BICDL1: variants seen among roughly 807,000 people sequenced by gnomAD.
BICDL1 encodes the protein BICD family like cargo adaptor 1.
A neutral mutation model predicts 76.8 loss-of-function variants in BICDL1; 20 were observed. The ratio of observed to expected loss-of-function variants is 0.26; its 90% CI spans 0.18 to 0.38. The LOEUF is 0.38. BICDL1 is among the 10% of genes least tolerant of loss of function. The probability of loss-of-function intolerance (pLI) is 1.00; values close to 1 mark genes in which losing one functional copy is unlikely to be tolerated. For missense variants in BICDL1, 700 were observed against 798.6 expected (o/e 0.88, Z 1.49); for synonymous variants, 383 against 337.1 (o/e 1.14, Z -1.49).
intron 2 of BICDL1, among the ~76,000 whole-genome samples, chr12:120,050,391 C>A (rs1952832889): frequency 6.6e-6 from 1 of 151,710 alleles, no homozygotes; most frequent in Non-Finnish European, 1.5e-5. Context: ...CTCAGCCTCC[C>A]AAGTAGTTGG....
chr12:120,057,242 T>C (rs1157843069), intron 2 of BICDL1: 1 of 404,624 alleles, frequency 2.5e-6, no homozygotes, highest in Non-Finnish European at 4.9e-6. Flanking sequence ...CTCGAACTCC[T>C]GAGCTCAAGC....
chr12:120,026,546 C>T (rs980447277), intron 2 of BICDL1, among the ~76,000 whole-genome samples: 2 of 152,114 alleles, frequency 1.3e-5, no homozygotes, highest in Non-Finnish European at 2.9e-5. Context: ...CCAACAGGAG[C>T]TAATCACTCT....
At chr12:120,036,309 T>C (rs1952529916) in intron 2 of BICDL1, among the ~76,000 whole-genome samples, 1 of 152,228 alleles carries the variant, frequency 6.6e-6, no homozygotes, top group South Asian at 2.1e-4. Context: ...TGGAAGGTGA[T>C]TTCAAGACTT....
rs1951639617 is a variant in BICDL1, at chr12:119,996,100, G to T, written c.430-2421G>T. On this transcript the variant is annotated intron_variant, in intron 1 of 9. Coordinates refer to ENST00000548673, the MANE Select transcript of BICDL1 (RefSeq NM_001367886.1). The stretch of plus-strand genomic sequence containing the variant: ...CCCTTGTCATTTCTTTTCCCACATT[G>T]CCCCAAACAGACTGTATAAAATATA... Among the ~76,000 whole-genome samples, 2 of 151,794 alleles carry T rather than the reference G, an allele frequency of 1.3e-5. 1 individual carries two copies. Among genetic ancestry groups the T allele is most frequent in the African/African-American group, 4.8e-5 (2 of 41,286 alleles).
intron 3 of BICDL1, among the ~76,000 whole-genome samples, chr12:120,063,725 G>A (rs1450152441): frequency 6.6e-6 from 1 of 152,176 alleles, no homozygotes; most frequent in East Asian, 1.9e-4. Context: ...GCAGGGCACT[G>A]CTAAATAAAT....
chr12:120,040,944 G>A (rs920731515), intron 2 of BICDL1, among the ~76,000 whole-genome samples: 5 of 151,488 alleles, frequency 3.3e-5, no homozygotes, highest in South Asian at 2.1e-4. Context: ...GAGGGGTTTC[G>A]CCATGTTGGC....
intron 2 of BICDL1, among the ~76,000 whole-genome samples, chr12:120,039,656 A>G (rs1008181105): frequency 2.6e-5 from 4 of 151,338 alleles, no homozygotes; most frequent in African/African-American, 4.9e-5. Context: ...AAAAAAAAAA[A>G]AAAAGAAAAG....
intron 2 of BICDL1, among the ~76,000 whole-genome samples, chr12:120,054,879 CAAAT>C (rs958521732): frequency 6.6e-6 from 1 of 151,984 alleles, no homozygotes; most frequent in African/African-American, 2.4e-5. Context: ...GACTTCATCT[CAAAT>C]AATAATAATA....
intron 8 of BICDL1, 124 bp downstream of exon 8, chr12:120,081,141 A>G (rs1481562602): frequency 3.7e-6 from 3 of 818,206 alleles, no homozygotes; most frequent in South Asian, 1.7e-5. Context: ...TTTCCCCGCT[A>G]CCCACCCCCA....
intron 4 of BICDL1, among the ~76,000 whole-genome samples, chr12:120,065,917 T>G (rs998794951): frequency 6.6e-6 from 1 of 152,250 alleles, no homozygotes; most frequent in African/African-American, 2.4e-5. Context: ...TGAATGGCTT[T>G]TATCTCTGCA....
chr12:120,087,311 G>A (rs1481873644), intron 8 of BICDL1, among the ~76,000 whole-genome samples: 1 of 152,220 alleles, frequency 6.6e-6, no homozygotes, highest in Non-Finnish European at 1.5e-5. Flanking sequence ...TGAGCTGTCT[G>A]GAGCGGTTTC....
At chr12:120,000,892 G>A (rs1951746372) in intron 2 of BICDL1, among the ~76,000 whole-genome samples, 5 of 152,154 alleles carry the variant, frequency 3.3e-5, no homozygotes, top group Non-Finnish European at 1.5e-5. Context: ...GTGAAGGTAA[G>A]GATTTGTTTC....
chr12:120,047,777 A>G (rs1002528564), intron 2 of BICDL1, among the ~76,000 whole-genome samples: 1 of 152,106 alleles, frequency 6.6e-6, no homozygotes, highest in Non-Finnish European at 1.5e-5. Context: ...TCTTCCCTTA[A>G]GATAATTACT....
intron 9 of BICDL1, chr12:120,092,416 G>A: frequency 1.0e-6 from 1 of 985,472 alleles, no homozygotes; most frequent in Non-Finnish European, 1.2e-6. Context: ...CCGCAGATGG[G>A]AGCCTCAGCA....
intron 7 of BICDL1, 36 bp from the exon 8 acceptor site, chr12:120,080,851 A>ACAG: frequency 6.2e-7 from 1 of 1,605,770 alleles, no homozygotes; most frequent in East Asian, 2.2e-5. Context: ...ACCACCCAGG[A>ACAG]CAGCAGCAGT....
At chr12:120,024,077 C>T (rs972638670) in intron 2 of BICDL1, among the ~76,000 whole-genome samples, 5 of 152,024 alleles carry the variant, frequency 3.3e-5, no homozygotes, top group African/African-American at 7.2e-5. Flanking sequence ...GTCAGGTGTT[C>T]GAGACTAGCC....
rs1302980641 is a variant in BICDL1, at chr12:120,071,228, C to G, written c.910-394C>G. Among the ~76,000 whole-genome samples, 1 of 151,744 alleles carries G rather than the reference C, an allele frequency of 6.6e-6. No homozygotes were observed. The highest frequency in any genetic ancestry group is 2.1e-4 in the South Asian group (1 of 4,786). On this transcript the variant is annotated intron_variant, in intron 4 of 9. Coordinates refer to ENST00000548673, the MANE Select transcript of BICDL1 (RefSeq NM_001367886.1). This position sits in a 1 kb window ranked among gnomAD's most constrained non-coding sequence, Gnocchi z 4.8. The stretch of plus-strand genomic sequence containing the variant: ...CGTGATCTTAGCTCATTGCAACGTC[C>G]GCCTCCTGGGTTCAAGCGATTCTCC...
chr12:119,998,892 A>G (rs1249688471), intron 2 of BICDL1, among the ~76,000 whole-genome samples, 156 bp downstream of exon 2: 1 of 151,996 alleles, frequency 6.6e-6, no homozygotes, highest in African/African-American at 2.4e-5. Flanking sequence ...TCATCTCTAC[A>G]AAAGTTTTTT....
chr12:119,997,451 A>T (rs1274307531), intron 1 of BICDL1, among the ~76,000 whole-genome samples: 1 of 152,206 alleles, frequency 6.6e-6, no homozygotes, highest in Non-Finnish European at 1.5e-5. Flanking sequence ...CTTGGCTCAT[A>T]GTAGGTGCTC....
Sources: allele counts gnomAD v4.1 joint callset (sites outside exome capture counted in the v4.1 genomes callset), GRCh38; gene constraint gnomAD v4.1.1; non-coding constraint Gnocchi (gnomAD v3.1); transcripts MANE v1.5; gene names NCBI Gene and HGNC (gene_info 2026-07-23, HGNC 2026-07-21).